Variants in SZT2 observed in about 807,000 individuals in gnomAD.
SZT2 encodes SZT2 subunit of KICSTOR complex, also known as KICSTOR complex protein SZT2.
Under a neutral mutation model 404.2 loss-of-function variants are expected in SZT2, and 216 were observed. The observed-to-expected ratio is 0.53, with a 90% CI of 0.48 to 0.60. The LOEUF (loss-of-function observed/expected upper bound fraction) is 0.60. Ranked by LOEUF, SZT2 falls within the 20% of genes least tolerant of loss-of-function variation. The probability of loss-of-function intolerance (pLI) is 0.00; values close to 1 mark genes in which losing one functional copy is unlikely to be tolerated. For synonymous variants in SZT2, 1,693 were observed against 1,749.9 expected (o/e 0.97, Z 0.81); for missense variants, 3,857 against 4,459.2 (o/e 0.86, Z 3.85).
chr1:43,402,585 C>T (rs1040922153), intron 1 of SZT2, among the ~76,000 whole-genome samples: 1 of 152,134 alleles, frequency 6.6e-6, no homozygotes, highest in African/African-American at 2.4e-5. Context: ...GCAAGGGAAC[C>T]GATGCTTGTT....
intron 39 of SZT2, 58 bp from the exon 40 acceptor site, chr1:43,432,931 G>C: frequency 6.2e-7 from 1 of 1,600,230 alleles, no homozygotes; most frequent in Non-Finnish European, 8.6e-7. Flanking sequence ...GCACCTGGAG[G>C]ATCAGATGAG....
rs1654544029 is a variant in SZT2, at chr1:43,437,170, G to T, written c.6035-1G>T. On this transcript the variant is annotated splice_acceptor_variant, in intron 42 of 71. Transcript: ENST00000634258. LOFTEE classifies it high-confidence loss of function. The surrounding 1 kb of genome is among the most constrained non-coding windows in gnomAD (Gnocchi z 5.3). ...TCTAATCCCTGCTCCCCCTCACCCA[G>T]ATTATGCTGCTGATGAGAGCTGTGC... 2 of 1,614,024 alleles carry T rather than the reference G, an allele frequency of 1.2e-6. No individual in the cohort carries two copies. The highest frequency in any genetic ancestry group is 1.7e-6 in the Non-Finnish European group (2 of 1,180,036).
chr1:43,431,972 GGAAGGCCCTCTGTTA>G, intron 36 of SZT2, 71 bp downstream of exon 36: 1 of 1,562,300 alleles, frequency 6.4e-7, no homozygotes, highest in Non-Finnish European at 8.8e-7. Context: ...GCACAGGACT[GGAAGGCCCTCTGTTA>G]GTTCGAACTC....
rs918565236 is a variant in SZT2 at position 43,426,643 on chromosome 1, C to A, written c.3215-72C>A. 1.8e-5 allele frequency: 27 copies of A among 1,518,710 alleles called. No homozygotes were observed. The highest frequency in any genetic ancestry group is 1.4e-4 in the Admixed American group (7 of 50,014). 94.1% of individuals were successfully genotyped at this position (1,518,710 alleles called of 1,614,324 possible). A position where few individuals can be genotyped will look rare whatever the true frequency, so the allele number is the denominator to read the frequency against. On this transcript the variant is annotated intron_variant, in intron 22 of 71. Transcript: ENST00000634258. This position sits in a 1 kb window ranked among gnomAD's most constrained non-coding sequence, Gnocchi z 4.9. Reference sequence around the variant, plus strand: ...GAGTTTTGGCTTTCCCCTTCCTCCCCCTTTCTTCAACCCAGAGTCCCGCCT... The same window carrying A: ...GAGTTTTGGCTTTCCCCTTCCTCCCACTTTCTTCAACCCAGAGTCCCGCCT...
rs750949818 is a variant in SZT2, at chr1:43,423,185, A to T, written c.2124A>T (p.Arg708=). Residue 708 remains arginine (R), a synonymous_variant, in exon 15 of 72, where the codon CGA becomes CGT. Transcript: ENST00000634258. ...QSKEPTPKVK[R]KGLGGAGGGS... Reference sequence around the variant, plus strand: ...AGGAGCCAACGCCCAAGGTGAAACGAAAAGGGCTAGGGGGTGCTGGTGGGG... The same window carrying T: ...AGGAGCCAACGCCCAAGGTGAAACGTAAAGGGCTAGGGGGTGCTGGTGGGG... 1.3e-5 allele frequency: 20 copies of T among 1,597,640 alleles called. No individual in the cohort carries two copies. In the Middle Eastern group the frequency reaches 6.6e-4, roughly 53 times the overall value.
chr1:43,415,692 C>T (rs892464077), intron 5 of SZT2, among the ~76,000 whole-genome samples: 2 of 152,130 alleles, frequency 1.3e-5, no homozygotes, highest in African/African-American at 4.8e-5. Flanking sequence ...GGAAAGGGGC[C>T]CTTCTTGGCA....
rs1204028693 is a variant in SZT2 at position 43,453,715 on chromosome 1, C to T, written c.*3235C>T. The T allele has an allele frequency of 2.9e-6, 4 of 1,398,422 alleles. No individual in the cohort carries two copies. The highest frequency in any genetic ancestry group is 2.8e-6 in the Non-Finnish European group (3 of 1,087,028). The allele number at this position is 1,398,422 out of a possible 1,614,324, so 86.6% of individuals were successfully genotyped here. The stretch of plus-strand genomic sequence containing the variant: ...ACGGCCTCGAAGCCCGAGCTGCCCG[C>T]GGCCCGCACCCGCGCGGGGAGGCCG... On this transcript the variant is annotated 3_prime_UTR_variant, in exon 72 of 72. Transcript: ENST00000634258.
intron 2 of SZT2, 84 bp downstream of exon 2, chr1:43,403,386 G>GT: frequency 6.5e-7 from 1 of 1,533,396 alleles, no homozygotes; most frequent in South Asian, 1.2e-5. Flanking sequence ...AGACAGGGTG[G>GT]GAGACTAACT....
At chr1:43,413,014 C>T (rs1184391503) in intron 4 of SZT2, among the ~76,000 whole-genome samples, 1 of 152,168 alleles carries the variant, frequency 6.6e-6, no homozygotes, top group East Asian at 1.9e-4. Flanking sequence ...CAATAACATG[C>T]TGGTGAGGAT....
intron 51 of SZT2, 143 bp from the exon 52 acceptor site, chr1:43,440,310 A>T: frequency 7.6e-7 from 1 of 1,323,094 alleles, no homozygotes; most frequent in Non-Finnish European, 1.0e-6. Context: ...CACATGCAGC[A>T]GCACACTATC....
chr1:43,445,804 G>T, intron 62 of SZT2, 90 bp from the exon 63 acceptor site: 1 of 1,306,228 alleles, frequency 7.7e-7, no homozygotes. Context: ...CTTGCAAAAT[G>T]ATTCCATATA....
In SZT2 at chr1:43,416,012, T is replaced by TGG; in HGVS notation, c.683_684insGG (p.Ser229AlafsTer4). 2.5e-6 allele frequency: 4 copies of TGG among 1,598,236 alleles called. No homozygotes were observed. The highest frequency in any genetic ancestry group is 3.4e-6 in the Non-Finnish European group (4 of 1,179,756). On this transcript the variant is annotated frameshift_variant, in exon 6 of 72. Transcript: ENST00000634258. LOFTEE classifies it high-confidence loss of function. ...GACCTACTGGGCCGGAAGGTAGGCG[T>TGG]CTCCATGGTGACAGCTGATCTTGGG...
In SZT2 at chr1:43,420,558, G is replaced by A. The variant is rs145309728; in HGVS notation, c.1262-191G>A. ...GGTATAGGGTCCTGAACTTGGCTTA[G>A]TTTTCAGATTGTTTCTACAAACTTG... is the stretch of plus-strand genomic sequence containing the variant. On this transcript the variant is annotated intron_variant, in intron 9 of 71. Transcript: ENST00000634258. This position sits in a 1 kb window ranked among gnomAD's most constrained non-coding sequence, Gnocchi z 5.1. Among the ~76,000 whole-genome samples the A allele has an allele frequency of 1.3e-5, 2 of 152,296 alleles. No individual in the cohort carries two copies. The highest frequency in any genetic ancestry group is 2.9e-5 in the Non-Finnish European group (2 of 68,028).
rs1014453594 is a variant in SZT2, at chr1:43,420,939, G to T, written c.1452G>T (p.Leu484Phe). 1.3e-5 allele frequency: 21 copies of T among 1,598,352 alleles called. No individual in the cohort carries two copies. Among genetic ancestry groups the T allele is most frequent in the Non-Finnish European group, 1.6e-5 (19 of 1,179,824 alleles). Residue 484 changes from leucine (L) to phenylalanine (F), a missense_variant, in exon 10 of 72, where the codon TTG becomes TTT. Leu to Phe is a conservative substitution (Grantham distance 22, BLOSUM62 0). Coordinates refer to ENST00000634258, the MANE Select transcript of SZT2 (RefSeq NM_001365999.1). This position sits in a 1 kb window ranked among gnomAD's most constrained non-coding sequence, Gnocchi z 5.1. The stretch of plus-strand genomic sequence containing the variant: ...CACTAAGGCAGCCCATTCGTTCATT[G>T]TATCGTACCCATGTTATCCGGCGTT... Reference protein sequence around the residue: ...SCALRQPIRSLYRTHVIRRFW... With the variant: ...SCALRQPIRSFYRTHVIRRFW...
Position 43,452,375 on chromosome 1 carries a change from C to T in SZT2, c.*1895C>T. The T allele has an allele frequency of 7.2e-7, 1 of 1,380,812 alleles. No homozygotes were observed. Among genetic ancestry groups the T allele is most frequent in the Non-Finnish European group, 1.0e-6 (1 of 980,186 alleles). 85.5% of individuals were successfully genotyped at this position (1,380,812 alleles called of 1,614,324 possible). A position where few individuals can be genotyped will look rare whatever the true frequency, so the allele number is the denominator to read the frequency against. ...TCCCTTGGCTCTCTCTGCACCTCTT[C>T]CAGGATTCCCTGACTGTGCCAGCCC... On this transcript the variant is annotated 3_prime_UTR_variant, in exon 72 of 72. Coordinates refer to ENST00000634258, the MANE Select transcript of SZT2 (RefSeq NM_001365999.1).
Position 43,426,301 on chromosome 1 carries a change from CAG to C in SZT2, c.3044-66_3044-65del. 6.7e-7 allele frequency: 1 copy of C among 1,501,474 alleles called. No individual in the cohort carries two copies. The highest frequency in any genetic ancestry group is 8.9e-7 in the Non-Finnish European group (1 of 1,124,036). 93.0% of individuals were successfully genotyped at this position (1,501,474 alleles called of 1,614,324 possible). The stretch of plus-strand genomic sequence containing the variant: ...GAGGCTGAAGGAGGGGCCAGCTGGT[CAG>C]GGCTGAGCCGGGGGCACCGGGCAGC... On this transcript the variant is annotated intron_variant, in intron 21 of 71. Transcript: ENST00000634258. This position sits in a 1 kb window ranked among gnomAD's most constrained non-coding sequence, Gnocchi z 4.9.
At position 43,450,727 on chromosome 1, in the gene SZT2, CCCCT is replaced by C. The variant is rs1288629140; in HGVS notation, c.*248_*251del. On this transcript the variant is annotated 3_prime_UTR_variant, in exon 72 of 72. Transcript: ENST00000634258. This position sits in a 1 kb window ranked among gnomAD's most constrained non-coding sequence, Gnocchi z 4.3. ...CAGAGAGTCAGGTCAACCCCGAGGA[CCCCT>C]TGGGCCCTTCTGGGGTACTCCTTTC... is the stretch of plus-strand genomic sequence containing the variant. The C allele has an allele frequency of 1.4e-6, 1 of 698,548 alleles. No individual in the cohort carries two copies. The highest frequency in any genetic ancestry group is 1.8e-5 in the African/African-American group (1 of 56,844). The allele number at this position is 698,548 out of a possible 1,614,324, so 43.3% of individuals were successfully genotyped here. A position where few individuals can be genotyped will look rare whatever the true frequency, so the allele number is the denominator to read the frequency against.
chr1:43,419,689 T>C, intron 7 of SZT2, 45 bp from the exon 8 acceptor site: 1 of 1,502,764 alleles, frequency 6.7e-7, no homozygotes. Context: ...TTCCTTCTCC[T>C]ATGCCTCTGT....
chr1:43,420,307 G>A lies in SZT2; in HGVS notation c.1245G>A (p.Glu415=). The change falls in exon 9 of 72, where the codon GAG becomes GAA. Residue 415 remains glutamate, a synonymous_variant. Transcript: ENST00000634258. This position sits in a 1 kb window ranked among gnomAD's most constrained non-coding sequence, Gnocchi z 5.1. The part of the protein sequence containing the change: ...VRLREGYSVR[E]VTLAKGGSQL... ...TTCGAGAGGGCTACAGTGTCCGAGA[G>A]GTCACACTGGCCAAAGGTAAGGGTC... The A allele has an allele frequency of 1.3e-6, 2 of 1,593,990 alleles. No homozygotes were observed. The highest frequency in any genetic ancestry group is 1.1e-5 in the South Asian group (1 of 90,414).
Sources: allele counts gnomAD v4.1 joint callset (sites outside exome capture counted in the v4.1 genomes callset), GRCh38; gene constraint gnomAD v4.1.1; non-coding constraint Gnocchi (gnomAD v3.1); transcripts MANE v1.5; gene names NCBI Gene and HGNC (gene_info 2026-07-23, HGNC 2026-07-21).